The following KCNQ1 variants were observed in gnomAD, a reference collection of about 807,000 sequenced individuals.
KCNQ1 encodes potassium voltage-gated channel subfamily Q member 1, also known as potassium voltage-gated channel subfamily KQT member 1.
In KCNQ1, 49 loss-of-function variants were observed where a neutral mutation model predicts 72.4. The ratio of observed to expected loss-of-function variants is 0.68; its 90% confidence interval spans 0.54 to 0.86. The LOEUF is 0.86. Ranked by LOEUF, KCNQ1 falls within the 40% of genes least tolerant of loss-of-function variation. The probability of loss-of-function intolerance (pLI) is 0.00; values close to 1 mark genes in which losing one functional copy is unlikely to be tolerated. For synonymous variants in KCNQ1, 450 were observed against 412.6 expected (o/e 1.09, Z -1.10); for missense variants, 790 against 945.1 (o/e 0.84, Z 2.15).
Position 2,447,684 on chromosome 11 carries a change from G to T in KCNQ1, c.386+2200G>T, listed in dbSNP as rs1846061317. ...GCCTTGTGTTGCTGTAAGAAGTCTT[G>T]GCAATGGTGGCGGAGACAGGGCCCT... On this transcript the variant is annotated intron_variant, in intron 1 of 15. Coordinates refer to ENST00000155840, the MANE Select transcript of KCNQ1 (RefSeq NM_000218.3). The surrounding 1 kb of genome is among the most constrained non-coding windows in gnomAD (Gnocchi z 7.6). Among the ~76,000 whole-genome samples the T allele has an allele frequency of 6.6e-6, 1 of 152,212 alleles. No homozygotes were observed. The highest frequency in any genetic ancestry group is 6.5e-5 in the Admixed American group (1 of 15,284).
At chr11:2,795,471 C>G (rs2074200) in intron 15 of KCNQ1, among the ~76,000 whole-genome samples, 34,657 of 152,224 alleles carry the variant, frequency 0.23, 4,117 homozygotes, top group South Asian at 0.29. Context: ...CACCCAGTCA[C>G]AGAGCAATTG....
At position 2,552,000 on chromosome 11, in the gene KCNQ1, G is replaced by C. The variant is rs140777286; in HGVS notation, c.478-18628G>C. Among the ~76,000 whole-genome samples the C allele has an allele frequency of 3.5e-3, 534 of 152,274 alleles. 4 individuals carry two copies. The highest frequency in any genetic ancestry group is 0.012 in the African/African-American group (515 of 41,544). On this transcript the variant is annotated intron_variant, in intron 2 of 15. Transcript: ENST00000155840. The stretch of plus-strand genomic sequence containing the variant: ...TGTTCTGGATATGAGTCCTTCACCA[G>C]ATCTGTTTTACAAATATTTTCTCCC...
At chr11:2,619,413 G>C in intron 10 of KCNQ1, 1 of 398,522 alleles carries the variant, frequency 2.5e-6, no homozygotes, top group Non-Finnish European at 4.4e-6. Flanking sequence ...TACTTTTTGT[G>C]TGTCAATTGA....
rs1389278638 is a variant in KCNQ1, at chr11:2,509,359, T to G, written c.387-18569T>G. ...TTCAAGTTCAGCATCTCTGCACCCCTTGCCTGGCAAACCCCATCTTCCTGT... is the reference window on the plus strand; with the variant it reads ...TTCAAGTTCAGCATCTCTGCACCCCGTGCCTGGCAAACCCCATCTTCCTGT... On this transcript the variant is annotated intron_variant, in intron 1 of 15. Transcript: ENST00000155840. The surrounding 1 kb of genome is among the most constrained non-coding windows in gnomAD (Gnocchi z 6.3). 6.6e-6 allele frequency among the ~76,000 whole-genome samples: 1 copy of G among 152,186 alleles called. No individual in the cohort carries two copies. Among genetic ancestry groups the G allele is most frequent in the Non-Finnish European group, 1.5e-5 (1 of 68,018 alleles).
chr11:2,696,029 A>T, intron 11 of KCNQ1: 1 of 398,640 alleles, frequency 2.5e-6, no homozygotes, highest in Non-Finnish European at 4.4e-6. Context: ...TGAAAAACGC[A>T]AATTGTTTCC....
At chr11:2,807,364 G>A (rs1847397245) in intron 15 of KCNQ1, among the ~76,000 whole-genome samples, 2 of 152,300 alleles carry the variant, frequency 1.3e-5, no homozygotes, top group South Asian at 2.1e-4. Context: ...CCGCTTTGAT[G>A]TCCGGGACCA....
chr11:2,573,869 G>C (rs1399736794), intron 6 of KCNQ1, among the ~76,000 whole-genome samples: 1 of 151,676 alleles, frequency 6.6e-6, no homozygotes, highest in African/African-American at 2.4e-5. Context: ...CAGGAATCAG[G>C]GTGCGCCCTC....
In KCNQ1 at chr11:2,655,000, C is replaced by T; in HGVS notation, c.1394-6961C>T. On this transcript the variant is annotated intron_variant, in intron 10 of 15. Coordinates refer to ENST00000155840, the MANE Select transcript of KCNQ1 (RefSeq NM_000218.3). The surrounding 1 kb of genome is among the most constrained non-coding windows in gnomAD (Gnocchi z 6.4). Reference sequence around the variant, plus strand: ...TCATGCAAAATAGAAAACACAGACACAATAAGGAAGGAAATGAAAATCACC... The same window carrying T: ...TCATGCAAAATAGAAAACACAGACATAATAAGGAAGGAAATGAAAATCACC... 1 of 398,572 alleles carries T rather than the reference C, an allele frequency of 2.5e-6. No individual in the cohort carries two copies. The allele number at this position is 398,572 out of a possible 1,614,324, so 24.7% of individuals were successfully genotyped here. A position where few individuals can be genotyped will look rare whatever the true frequency, so the allele number is the denominator to read the frequency against.
rs1273195813 is a variant in KCNQ1, at chr11:2,612,860, T to C, written c.1393+24006T>C. 7.5e-6 allele frequency: 3 copies of C among 398,632 alleles called. No homozygotes were observed. The highest frequency in any genetic ancestry group is 1.3e-5 in the Non-Finnish European group (3 of 226,062). The allele number at this position is 398,632 out of a possible 1,614,324, so 24.7% of individuals were successfully genotyped here. A position where few individuals can be genotyped will look rare whatever the true frequency, so the allele number is the denominator to read the frequency against. Reference sequence around the variant, plus strand: ...AATATATCGTAGAAACTCTGGATTCTAGTTCTTCTCCCTAACCAGGGATGA... The same window carrying C: ...AATATATCGTAGAAACTCTGGATTCCAGTTCTTCTCCCTAACCAGGGATGA... On this transcript the variant is annotated intron_variant, in intron 10 of 15. Coordinates refer to ENST00000155840, the MANE Select transcript of KCNQ1 (RefSeq NM_000218.3). This position sits in a 1 kb window ranked among gnomAD's most constrained non-coding sequence, Gnocchi z 5.5.
chr11:2,618,685 C>A, intron 10 of KCNQ1: 1 of 398,418 alleles, frequency 2.5e-6, no homozygotes, highest in East Asian at 3.6e-5. Flanking sequence ...ACTTAAGGTT[C>A]TTGCTATTCC....
chr11:2,574,457 G>A (rs1030405319), intron 6 of KCNQ1, among the ~76,000 whole-genome samples: 1 of 152,124 alleles, frequency 6.6e-6, no homozygotes, highest in Non-Finnish European at 1.5e-5. Flanking sequence ...GGGGCCGCAC[G>A]GGGGCTGGAG....
At chr11:2,801,064 G>T (rs1847252368) in intron 15 of KCNQ1, among the ~76,000 whole-genome samples, 1 of 152,196 alleles carries the variant, frequency 6.6e-6, no homozygotes, top group South Asian at 2.1e-4. Context: ...GCAGGGCTGG[G>T]GCAGGGCCAG....
intron 15 of KCNQ1, among the ~76,000 whole-genome samples, chr11:2,840,924 T>C (rs1009852430): frequency 1.3e-5 from 2 of 152,148 alleles, no homozygotes; most frequent in African/African-American, 2.4e-5. Context: ...AACAAACATT[T>C]GTGCAGCGCC....
chr11:2,572,780 G>A, intron 5 of KCNQ1, 66 bp from the exon 6 acceptor site: 1 of 1,605,784 alleles, frequency 6.2e-7, no homozygotes, highest in East Asian at 2.2e-5. Flanking sequence ...GCTGCCTTAG[G>A]CGTCTGCACA....
In KCNQ1 at chr11:2,678,393, A is replaced by G; in HGVS notation, c.1514+16312A>G. The G allele has an allele frequency of 2.5e-6, 1 of 398,588 alleles. No individual in the cohort carries two copies. Among genetic ancestry groups the G allele is most frequent in the Non-Finnish European group, 4.4e-6 (1 of 226,054 alleles). 24.7% of individuals were successfully genotyped at this position (398,588 alleles called of 1,614,324 possible). A position where few individuals can be genotyped will look rare whatever the true frequency, so the allele number is the denominator to read the frequency against. On this transcript the variant is annotated intron_variant, in intron 11 of 15. Transcript: ENST00000155840. The surrounding 1 kb of genome is among the most constrained non-coding windows in gnomAD (Gnocchi z 4.9). ...TTAAATCCAATTTGGTTTCCCATAT[A>G]TTTGTCCAGTTGTCCAACACTATTT... is the stretch of plus-strand genomic sequence containing the variant.
rs746216872 is a variant in KCNQ1 at position 2,611,587 on chromosome 11, C to G, written c.1393+22733C>G. The G allele has an allele frequency of 4.3e-5, 17 of 398,458 alleles. No individual in the cohort carries two copies. Among genetic ancestry groups the G allele is most frequent in the Non-Finnish European group, 5.8e-5 (13 of 226,054 alleles). 24.7% of individuals were successfully genotyped at this position (398,458 alleles called of 1,614,324 possible). A position where few individuals can be genotyped will look rare whatever the true frequency, so the allele number is the denominator to read the frequency against. On this transcript the variant is annotated intron_variant, in intron 10 of 15. Coordinates refer to ENST00000155840, the MANE Select transcript of KCNQ1 (RefSeq NM_000218.3). This position sits in a 1 kb window ranked among gnomAD's most constrained non-coding sequence, Gnocchi z 5.3. Reference sequence around the variant, plus strand: ...CATGTCATCTTTTTCCATCATTTTACTTTCAACTATGTCTTTGAATCTAGA... The same window carrying G: ...CATGTCATCTTTTTCCATCATTTTAGTTTCAACTATGTCTTTGAATCTAGA...
At chr11:2,569,010 G>C (rs1159926689) in intron 2 of KCNQ1, among the ~76,000 whole-genome samples, 1 of 152,114 alleles carries the variant, frequency 6.6e-6, no homozygotes, top group Non-Finnish European at 1.5e-5. Flanking sequence ...TCAGCCTCCT[G>C]AGTAGCTGGG....
intron 15 of KCNQ1, among the ~76,000 whole-genome samples, chr11:2,800,627 A>G (rs1410988903): frequency 6.6e-6 from 1 of 152,206 alleles, no homozygotes; most frequent in African/African-American, 2.4e-5. Flanking sequence ...GAAGGTTCCA[A>G]GCTTGAAGTG....
chr11:2,629,045 A>C, intron 10 of KCNQ1: 1 of 398,080 alleles, frequency 2.5e-6, no homozygotes, highest in Non-Finnish European at 4.4e-6. Flanking sequence ...CTTTGTTCTT[A>C]TTGCTCAAGT....
Sources: gnomAD v4.1 joint callset for allele counts (sites outside exome capture counted in the v4.1 genomes callset) on GRCh38, gnomAD v4.1.1 for gene constraint, Gnocchi (gnomAD v3.1) non-coding constraint, MANE v1.5 for transcripts, NCBI Gene and HGNC (gene_info 2026-07-23, HGNC 2026-07-21) for gene names.